SBF2: variants seen among roughly 807,000 people sequenced by gnomAD.
The protein encoded by SBF2 is SET binding factor 2, also known as myotubularin-related protein 13.
SBF2 carries 112 observed loss-of-function variants against 225.2 expected under a neutral mutation model. The ratio of observed to expected loss-of-function variants is 0.50; its 90% CI spans 0.43 to 0.58. SBF2 has a LOEUF of 0.58. Among genes scored for constraint, SBF2 ranks in the 20% least tolerant of loss-of-function variants. The probability of loss-of-function intolerance (pLI) is 0.00; values close to 1 mark genes in which losing one functional copy is unlikely to be tolerated. For synonymous variants in SBF2, 763 were observed against 773.3 expected, an observed-to-expected ratio of 0.99 and a Z score of 0.22; for missense variants, 1,996 against 2,206.2, an observed-to-expected ratio of 0.90 and a Z score of 1.91.
At chr11:10,232,187 T>C (rs552089666) in intron 1 of SBF2, among the ~76,000 whole-genome samples, 34 of 152,294 alleles carry the variant, frequency 2.2e-4, no homozygotes, top group African/African-American at 6.3e-4. Context: ...AGTGACCCGA[T>C]TTTCCAGGTG....
chr11:10,198,578 CT>C (rs1355879026), intron 1 of SBF2, among the ~76,000 whole-genome samples: 2 of 152,214 alleles, frequency 1.3e-5, no homozygotes, highest in Admixed American at 1.3e-4. Flanking sequence ...ACATTAGCTG[CT>C]AAAAAGACAG....
chr11:9,818,254 T>C (rs559850438), intron 28 of SBF2, among the ~76,000 whole-genome samples: 2 of 152,298 alleles, frequency 1.3e-5, no homozygotes, highest in East Asian at 3.9e-4. Flanking sequence ...CAGAAGCAGA[T>C]ACCTTCTAAG....
chr11:9,896,065 A>C, intron 16 of SBF2, 54 bp from the exon 17 acceptor site: 3 of 1,367,160 alleles, frequency 2.2e-6, no homozygotes, highest in Non-Finnish European at 3.1e-6. Context: ...GAAATCACAA[A>C]TACATGCGAA....
intron 2 of SBF2, among the ~76,000 whole-genome samples, chr11:10,148,374 GA>G (rs1954986461): frequency 6.6e-6 from 1 of 152,104 alleles, no homozygotes; most frequent in Non-Finnish European, 1.5e-5. Flanking sequence ...ATATTCCATT[GA>G]CAAGGCATAG....
At chr11:10,290,644 A>G (rs1186600686) in intron 1 of SBF2, among the ~76,000 whole-genome samples, 1 of 152,174 alleles carries the variant, frequency 6.6e-6, no homozygotes, top group Non-Finnish European at 1.5e-5. Flanking sequence ...ATTCAGGATA[A>G]CAGAAGCCAG....
intron 2 of SBF2, among the ~76,000 whole-genome samples, chr11:10,116,877 T>C (rs1353266854): frequency 6.6e-6 from 1 of 152,234 alleles, no homozygotes; most frequent in Non-Finnish European, 1.5e-5. Context: ...TTATGTAAGT[T>C]ACCCATGGCA....
chr11:9,937,596 T>C (rs1366124006), intron 16 of SBF2, among the ~76,000 whole-genome samples: 1 of 152,178 alleles, frequency 6.6e-6, no homozygotes, highest in Non-Finnish European at 1.5e-5. Flanking sequence ...TATTTAACAT[T>C]GTCTTGGAGG....
intron 1 of SBF2, among the ~76,000 whole-genome samples, chr11:10,217,960 C>G (rs549756071): frequency 6.6e-6 from 1 of 151,872 alleles, no homozygotes; most frequent in Non-Finnish European, 1.5e-5. Context: ...AGTGCAGTGG[C>G]GCGATCTCAG....
At chr11:9,880,084 T>TAA (rs58140393) in intron 17 of SBF2, among the ~76,000 whole-genome samples, 13,892 of 51,734 alleles carry the variant, frequency 0.27, 3,288 homozygotes, top group Non-Finnish European at 0.34. Flanking sequence ...CTCTGTCTCA[T>TAA]AAAAAAAAAA....
intron 32 of SBF2, among the ~76,000 whole-genome samples, chr11:9,800,219 G>A (rs1853405240): frequency 6.6e-6 from 1 of 151,678 alleles, no homozygotes; most frequent in Non-Finnish European, 1.5e-5. Context: ...CCTCAGGGAA[G>A]GAGCAAGATT....
intron 17 of SBF2, among the ~76,000 whole-genome samples, chr11:9,864,464 G>A (rs951383418): frequency 6.6e-6 from 1 of 152,156 alleles, no homozygotes; most frequent in Non-Finnish European, 1.5e-5. Context: ...AAGGCTCACT[G>A]CAGTCTTGAC....
chr11:9,915,683 G>T (rs1863024697), intron 16 of SBF2: 1 of 152,020 alleles, frequency 6.6e-6, no homozygotes, highest in Non-Finnish European at 1.5e-5. Context: ...TATTTAGAAA[G>T]GTTAGTAGGT....
chr11:10,080,997 C>T (rs1281930976), intron 2 of SBF2, among the ~76,000 whole-genome samples: 1 of 151,990 alleles, frequency 6.6e-6, no homozygotes, highest in Non-Finnish European at 1.5e-5. Flanking sequence ...ATATAGATAG[C>T]AATACAATAC....
intron 33 of SBF2, among the ~76,000 whole-genome samples, chr11:9,792,155 G>A (rs1312641592): frequency 6.6e-6 from 1 of 152,154 alleles, no homozygotes; most frequent in Non-Finnish European, 1.5e-5. Flanking sequence ...GACTCAGCGT[G>A]GTGCGGTGGC....
chr11:10,040,964 A>G (rs1949630409), intron 3 of SBF2, among the ~76,000 whole-genome samples: 1 of 152,010 alleles, frequency 6.6e-6, no homozygotes, highest in Non-Finnish European at 1.5e-5. Context: ...AATTCCTAGA[A>G]CCTATTTATA....
At chr11:10,139,024 T>C (rs1954522146) in intron 2 of SBF2, among the ~76,000 whole-genome samples, 1 of 152,186 alleles carries the variant, frequency 6.6e-6, no homozygotes, top group Non-Finnish European at 1.5e-5. Context: ...GAAAACCATG[T>C]AAGAAACTAA....
At chr11:10,126,727 G>A (rs564460333) in intron 2 of SBF2, among the ~76,000 whole-genome samples, 1 of 152,162 alleles carries the variant, frequency 6.6e-6, no homozygotes, top group African/African-American at 2.4e-5. Context: ...ACAGATATTT[G>A]TCTATCCATG....
intron 1 of SBF2, among the ~76,000 whole-genome samples, chr11:10,227,573 T>C (rs1275044051): frequency 1.3e-5 from 2 of 152,352 alleles, no homozygotes; most frequent in Non-Finnish European, 1.5e-5. Flanking sequence ...ATTTATTAAA[T>C]AGGGAATCTG....
At chr11:10,061,738 A>T (rs1333446962) in intron 2 of SBF2, among the ~76,000 whole-genome samples, 1 of 152,244 alleles carries the variant, frequency 6.6e-6, no homozygotes, top group African/African-American at 2.4e-5. Context: ...GTATAGGAAG[A>T]ATCAATATCA....
Sources: gnomAD v4.1 joint callset for allele counts (sites outside exome capture counted in the v4.1 genomes callset) on GRCh38, gnomAD v4.1.1 for gene constraint, MANE v1.5 for transcripts, NCBI Gene and HGNC (gene_info 2026-07-23, HGNC 2026-07-21) for gene names.